The following SRGAP3 variants were observed in gnomAD, a reference collection of about 807,000 sequenced individuals.
SRGAP3 encodes SLIT-ROBO Rho GTPase activating protein 3, also known as SLIT-ROBO Rho GTPase-activating protein 3.
A neutral mutation model predicts 121.1 loss-of-function variants in SRGAP3; 39 were observed. The observed-to-expected ratio is 0.32, with a 90% confidence interval of 0.25 to 0.42. The LOEUF (loss-of-function observed/expected upper bound fraction) is 0.42, where lower values mean the gene tolerates loss of function less well. SRGAP3 is among the 10% of genes least tolerant of loss of function. The probability of loss-of-function intolerance (pLI) is 1.00; values close to 1 mark genes in which losing one functional copy is unlikely to be tolerated. For synonymous variants in SRGAP3, 601 were observed against 570.0 expected, an observed-to-expected ratio of 1.05 and a Z score of -0.77; for missense variants, 1,213 against 1,470.6, an observed-to-expected ratio of 0.82 and a Z score of 2.86.
chr3:9,355,401 T>C (rs1392443054), intron 1 of SRGAP3, among the ~76,000 whole-genome samples: 2 of 152,212 alleles, frequency 1.3e-5, no homozygotes, highest in African/African-American at 2.4e-5. Flanking sequence ...CGGTGATAAT[T>C]TGTGAGACAC....
intron 1 of SRGAP3, among the ~76,000 whole-genome samples, chr3:9,191,229 C>A (rs866586759): frequency 8.5e-5 from 13 of 152,114 alleles, no homozygotes; most frequent in African/African-American, 2.9e-4. Flanking sequence ...GCACTATGGT[C>A]TCCCGGATTA....
intron 3 of SRGAP3, among the ~76,000 whole-genome samples, chr3:9,307,388 G>T (rs1469683302): frequency 6.6e-6 from 1 of 152,166 alleles, no homozygotes; most frequent in African/African-American, 2.4e-5. Context: ...AATGCTGATG[G>T]CATGAAATCA....
chr3:9,096,820 C>A (rs1039780461), intron 3 of SRGAP3, among the ~76,000 whole-genome samples: 6 of 148,952 alleles, frequency 4.0e-5, no homozygotes. Context: ...CATCTCCAAT[C>A]TCATTCTCAT....
chr3:9,018,243 T>C (rs945042310), intron 14 of SRGAP3, among the ~76,000 whole-genome samples: 1 of 152,216 alleles, frequency 6.6e-6, no homozygotes, highest in Admixed American at 6.5e-5. Context: ...ATTTTCTTTT[T>C]CCATTCATGC....
chr3:8,983,507 G>A lies in SRGAP3; in HGVS notation c.*2012C>T, dbSNP rs1941523789. 1 of 229,872 alleles carries A rather than the reference G, an allele frequency of 4.4e-6. No individual in the cohort carries two copies. Among genetic ancestry groups the A allele is most frequent in the Non-Finnish European group, 8.6e-6 (1 of 116,060 alleles). 14.2% of individuals were successfully genotyped at this position (229,872 alleles called of 1,614,324 possible). ...CTTAACTAGGTCCCTCCCTTTGGGTGTATTTACCTTTTCGCGGGGGACCAG... is the reference window on the plus strand; with the variant it reads ...CTTAACTAGGTCCCTCCCTTTGGGTATATTTACCTTTTCGCGGGGGACCAG... On this transcript the variant is annotated 3_prime_UTR_variant, in exon 22 of 22. Coordinates refer to ENST00000383836, the MANE Select transcript of SRGAP3 (RefSeq NM_014850.4).
chr3:9,175,449 T>C (rs944088974), intron 1 of SRGAP3, among the ~76,000 whole-genome samples: 10 of 152,224 alleles, frequency 6.6e-5, no homozygotes, highest in Non-Finnish European at 1.5e-4. Context: ...TGCATTTTGC[T>C]GTGAACTCAT....
chr3:9,297,941 G>A (rs368110779), intron 3 of SRGAP3, among the ~76,000 whole-genome samples: 17 of 152,026 alleles, frequency 1.1e-4, no homozygotes, highest in African/African-American at 4.1e-4. Context: ...GGACATAGAT[G>A]TGCATTGAAG....
intron 1 of SRGAP3, among the ~76,000 whole-genome samples, chr3:9,355,036 A>G (rs757288469): frequency 1.3e-5 from 2 of 152,224 alleles, no homozygotes; most frequent in Non-Finnish European, 2.9e-5. Flanking sequence ...CATAAAGAGC[A>G]TATGTGCCCA....
intron 11 of SRGAP3, 108 bp downstream of exon 11, chr3:9,037,955 G>T: frequency 6.9e-7 from 1 of 1,449,868 alleles, no homozygotes; most frequent in African/African-American, 1.4e-5. Context: ...GGGGACATTG[G>T]TGAAGAAGCC....
chr3:9,064,572 T>C lies in SRGAP3; in HGVS notation c.496A>G (p.Thr166Ala). Residue 166 changes from threonine (T) to alanine (A), a missense_variant, in exon 5 of 22, where the codon ACC (threonine) becomes GCC (alanine). Transcript: ENST00000383836. ...CTCTCTGCATGGTACATGTGGTAGG[T>C]TTTCATGACCTGGGGGTGCACAAGT... ...VTNELYTVMK[T>A]YHMYHAESIS... The C allele has an allele frequency of 1.2e-6, 2 of 1,613,892 alleles. No individual in the cohort carries two copies. The highest frequency in any genetic ancestry group is 1.7e-6 in the Non-Finnish European group (2 of 1,179,986).
intron 1 of SRGAP3, among the ~76,000 whole-genome samples, chr3:9,163,150 C>T (rs966536134): frequency 6.6e-6 from 1 of 152,166 alleles, no homozygotes; most frequent in Non-Finnish European, 1.5e-5. Flanking sequence ...ATCATCTGGC[C>T]CAGGCCTCAG....
At chr3:9,253,893 T>C (rs530663961), upstream of SRGAP3, among the ~76,000 whole-genome samples, 6 of 152,166 alleles carry the variant, frequency 3.9e-5, no homozygotes, top group Non-Finnish European at 7.3e-5. Context: ...GGTAAGGAAA[T>C]ACGTGGATAA....
intron 8 of SRGAP3, among the ~76,000 whole-genome samples, chr3:9,054,550 A>G (rs1475400215): frequency 6.6e-6 from 1 of 152,164 alleles, no homozygotes; most frequent in Non-Finnish European, 1.5e-5. Flanking sequence ...GATGCCTTAC[A>G]TCTCCCTAAA....
intron 1 of SRGAP3, among the ~76,000 whole-genome samples, chr3:9,164,430 C>T (rs1950711735): frequency 6.6e-6 from 1 of 152,022 alleles, no homozygotes; most frequent in African/African-American, 2.4e-5. Context: ...GCTGGGACTA[C>T]AGGCATGTAC....
At chr3:9,171,784 T>C (rs1348993217) in intron 1 of SRGAP3, among the ~76,000 whole-genome samples, 1 of 152,106 alleles carries the variant, frequency 6.6e-6, no homozygotes, top group Non-Finnish European at 1.5e-5. Context: ...TTCTGGGAGC[T>C]GGCCCAATAG....
chr3:9,136,694 C>G (rs1949677462), intron 1 of SRGAP3, among the ~76,000 whole-genome samples: 2 of 152,184 alleles, frequency 1.3e-5, no homozygotes, highest in Non-Finnish European at 2.9e-5. Flanking sequence ...GAAATTGAGG[C>G]CCAAGAGAAG....
At chr3:9,058,965 G>A (rs781411115) in intron 6 of SRGAP3, 14 of 173,224 alleles carry the variant, frequency 8.1e-5, no homozygotes, top group East Asian at 3.0e-4. Context: ...TGATCTACCC[G>A]CCTCGGCCTC....
At chr3:9,033,213 G>C (rs562240491) in intron 11 of SRGAP3, among the ~76,000 whole-genome samples, 4 of 152,298 alleles carry the variant, frequency 2.6e-5, no homozygotes, top group African/African-American at 9.6e-5. Flanking sequence ...CCAGGGCACT[G>C]ATCTTCCTAA....
At chr3:8,998,584 T>TACATAC (rs1942558623) in intron 18 of SRGAP3, among the ~76,000 whole-genome samples, 1 of 152,034 alleles carries the variant, frequency 6.6e-6, no homozygotes, top group South Asian at 2.1e-4. Flanking sequence ...CACACACATA[T>TACATAC]ACATACACAT....
Sources: allele counts gnomAD v4.1 joint callset (sites outside exome capture counted in the v4.1 genomes callset), GRCh38; gene constraint gnomAD v4.1.1; transcripts MANE v1.5; gene names NCBI Gene and HGNC (gene_info 2026-07-23, HGNC 2026-07-21).